THOP1: variants seen among roughly 807,000 people sequenced by gnomAD.
The protein encoded by THOP1 is thimet oligopeptidase 1, also known as thimet oligopeptidase.
In THOP1, 49 loss-of-function variants were observed where a neutral mutation model predicts 71.8. That is an observed-to-expected ratio of 0.68 (90% CI 0.54 to 0.87). The LOEUF (loss-of-function observed/expected upper bound fraction) is 0.87, where lower values mean the gene tolerates loss of function less well. THOP1 is among the 40% of genes least tolerant of loss of function. THOP1 has a pLI of 0.00. For missense variants in THOP1, 843 were observed against 975.6 expected, an observed-to-expected ratio of 0.86 and a Z score of 1.81; for synonymous variants, 426 against 421.5, an observed-to-expected ratio of 1.01 and a Z score of -0.13.
At chr19:2,808,672 C>T (rs1438003537) in intron 9 of THOP1, among the ~76,000 whole-genome samples, 2 of 152,266 alleles carry the variant, frequency 1.3e-5, no homozygotes, top group African/African-American at 4.8e-5. Flanking sequence ...TGTATTTCCT[C>T]ATGGTCCTAG....
intron 2 of THOP1, among the ~76,000 whole-genome samples, chr19:2,793,007 C>T (rs1915921518): frequency 6.6e-6 from 1 of 152,114 alleles, no homozygotes; most frequent in African/African-American, 2.4e-5. Flanking sequence ...GAAACCCTGT[C>T]TCTACTAAAA....
intron 10 of THOP1, 66 bp from the exon 11 acceptor site, chr19:2,810,574 C>T (rs988153002): frequency 1.7e-5 from 26 of 1,526,108 alleles, no homozygotes; most frequent in East Asian, 7.4e-5. Flanking sequence ...GGGTGGGGGT[C>T]GGAGCTCTGG....
Position 2,796,096 on chromosome 19 carries a change from G to A in THOP1, c.394G>A (p.Asp132Asn), listed in dbSNP as rs1428594202. ...IVWLQEKVQK[D>N]SLRPEAARYL... is the part of the protein sequence containing the mutation. ...TTTATTCCAGGAGAAAGTTCAGAAG[G>A]ACTCACTGAGGCCCGAGGCTGCGCG... The change falls in exon 4 of 13, where the codon GAC (aspartate) becomes AAC (asparagine). Residue 132 changes from aspartate (D) to asparagine (N), a missense_variant. Coordinates refer to ENST00000307741, the MANE Select transcript of THOP1 (RefSeq NM_003249.5). 1 of 1,613,804 alleles carries A rather than the reference G, an allele frequency of 6.2e-7. No homozygotes were observed. Among genetic ancestry groups the A allele is most frequent in the Non-Finnish European group, 8.5e-7 (1 of 1,179,904 alleles).
rs914104207 is a variant in THOP1, at chr19:2,808,299, A to G, written c.1310A>G (p.Gln437Arg). Residue 437 changes from glutamine to arginine, a missense_variant, in exon 9 of 13, where the codon CAG becomes CGG. Coordinates refer to ENST00000307741, the MANE Select transcript of THOP1 (RefSeq NM_003249.5). ...GGCCTGCAGCCCGGCTGCCTGCGGC[A>G]GGATGGGAGCCGCCAGATCGCCATC... Reference protein sequence around the residue: ...CFGLQPGCLRQDGSRQIAIAA... With the variant: ...CFGLQPGCLRRDGSRQIAIAA... 7.0e-6 allele frequency: 11 copies of G among 1,574,256 alleles called. No individual in the cohort carries two copies. The highest frequency in any genetic ancestry group is 7.8e-6 in the Non-Finnish European group (9 of 1,160,372).
chr19:2,813,051 C>T (rs1419624406), intron 12 of THOP1, 64 bp from the exon 13 acceptor site: 3 of 1,524,612 alleles, frequency 2.0e-6, no homozygotes, highest in Non-Finnish European at 2.7e-6. Flanking sequence ...TGTGCAGACT[C>T]CTGGGGTCCT....
chr19:2,786,581 T>C (rs985025590), intron 1 of THOP1, among the ~76,000 whole-genome samples: 7 of 151,962 alleles, frequency 4.6e-5, no homozygotes, highest in Non-Finnish European at 1.0e-4. Flanking sequence ...GTGACCTGTG[T>C]ACTGTTTATT....
intron 12 of THOP1, chr19:2,811,976 C>A: frequency 9.1e-7 from 1 of 1,094,676 alleles, no homozygotes; most frequent in Non-Finnish European, 1.3e-6. Context: ...GGCCGAGGCA[C>A]CTGCTGGTCT....
rs1370825589 is a variant in THOP1 at position 2,789,637 on chromosome 19, C to T, written c.17-784C>T. Among the ~76,000 whole-genome samples, 8 of 152,330 alleles carry T rather than the reference C, an allele frequency of 5.3e-5. 1 individual carries two copies. The South Asian group carries it at 1.5e-3, about 28-fold the overall frequency. ...CCCCCCGATACCTCACCTTTCCCCT[C>T]TGGCATGGCAGGAGTTGAGCAGTGC... On this transcript the variant is annotated intron_variant, in intron 1 of 12. Transcript: ENST00000307741.
intron 1 of THOP1, among the ~76,000 whole-genome samples, chr19:2,788,289 G>A (rs1156435434): frequency 6.6e-6 from 1 of 152,158 alleles, no homozygotes. Flanking sequence ...CCGCACCCAG[G>A]CCATCTGACT....
chr19:2,810,116 C>T (rs2144783521), intron 9 of THOP1, 188 bp from the exon 10 acceptor site: 9 of 694,466 alleles, frequency 1.3e-5, no homozygotes, highest in East Asian at 5.6e-5. Context: ...CTGCTGCCAC[C>T]GGCAGCCAGC....
chr19:2,788,323 C>T (rs1279950218), intron 1 of THOP1, among the ~76,000 whole-genome samples: 2 of 152,208 alleles, frequency 1.3e-5, no homozygotes, highest in African/African-American at 2.4e-5. Flanking sequence ...TCTGAGCTAG[C>T]TTGTTGTGCC....
chr19:2,795,012 C>T (rs760169009), intron 3 of THOP1, 100 bp downstream of exon 3: 101 of 1,411,956 alleles, frequency 7.2e-5, no homozygotes, highest in South Asian at 1.3e-4. Context: ...TTAGTAGAGA[C>T]GGGGTTTCAA....
chr19:2,787,196 G>T (rs1347566450), intron 1 of THOP1, among the ~76,000 whole-genome samples: 1 of 152,134 alleles, frequency 6.6e-6, no homozygotes, highest in African/African-American at 2.4e-5. Flanking sequence ...ACCGTGCCCG[G>T]CCTGGGTTTT....
At chr19:2,799,965 G>A (rs1158278771) in intron 5 of THOP1, among the ~76,000 whole-genome samples, 174 bp downstream of exon 5, 2 of 152,214 alleles carry the variant, frequency 1.3e-5, no homozygotes, top group African/African-American at 2.4e-5. Context: ...CACCGGAAGC[G>A]CTCCAGGGCC....
At chr19:2,809,527 T>C (rs942676607) in intron 9 of THOP1, 2 of 151,734 alleles carry the variant, frequency 1.3e-5, no homozygotes. Flanking sequence ...GCCTCTGGGG[T>C]TTTTGTGGAT....
intron 5 of THOP1, among the ~76,000 whole-genome samples, chr19:2,803,229 C>T (rs1640273): frequency 0.41 from 62,938 of 152,078 alleles, 15,127 homozygotes; most frequent in African/African-American, 0.67. Flanking sequence ...TCCTGGGCAC[C>T]GTTAACAGTT....
chr19:2,790,897 C>T (rs1318205515), intron 2 of THOP1, among the ~76,000 whole-genome samples: 2 of 152,230 alleles, frequency 1.3e-5, no homozygotes, highest in Non-Finnish European at 2.9e-5. Context: ...CTCTGCTTCA[C>T]AGCCTCGTCC....
intron 1 of THOP1, 65 bp from the exon 2 acceptor site, chr19:2,790,356 C>T (rs1915845482): frequency 7.0e-7 from 1 of 1,431,058 alleles, no homozygotes; most frequent in Non-Finnish European, 9.3e-7. Context: ...CCTCTGCCCT[C>T]CTGACTTTGA....
intron 2 of THOP1, among the ~76,000 whole-genome samples, chr19:2,791,592 G>A (rs935843050): frequency 1.3e-5 from 2 of 152,182 alleles, no homozygotes; most frequent in African/African-American, 2.4e-5. Flanking sequence ...CCGACAAGTG[G>A]CTTAGAGCCC....
Sources: gnomAD v4.1 joint callset for allele counts (sites outside exome capture counted in the v4.1 genomes callset) on GRCh38, gnomAD v4.1.1 for gene constraint, MANE v1.5 for transcripts, NCBI Gene and HGNC (gene_info 2026-07-23, HGNC 2026-07-21) for gene names.